MIOS: variants seen among roughly 807,000 people sequenced by gnomAD.
The protein encoded by MIOS is meiosis regulator for oocyte development.
A neutral mutation model predicts 96.9 loss-of-function variants in MIOS; 52 were observed. That is an observed-to-expected ratio of 0.54 (90% confidence interval 0.43 to 0.68). The LOEUF is 0.68. Ranked by LOEUF, MIOS falls within the 30% of genes least tolerant of loss-of-function variation. The pLI, the probability that MIOS is intolerant of heterozygous loss-of-function variation, is 0.00. For synonymous variants in MIOS, 397 were observed against 359.5 expected, an observed-to-expected ratio of 1.10 and a Z score of -1.18; for missense variants, 1,005 against 1,052.8, an observed-to-expected ratio of 0.95 and a Z score of 0.63.
Position 7,572,547 on chromosome 7 carries a change from AC to A in MIOS, c.73del (p.Leu25Ter). The A allele has an allele frequency of 6.2e-7, 1 of 1,614,154 alleles. No individual in the cohort carries two copies. The highest frequency in any genetic ancestry group is 8.5e-7 in the Non-Finnish European group (1 of 1,180,000). On this transcript the variant is annotated frameshift_variant, in exon 4 of 13. Coordinates refer to ENST00000340080, the MANE Select transcript of MIOS (RefSeq NM_019005.4). LOFTEE classifies it high-confidence loss of function. The surrounding 1 kb of genome is among the most constrained non-coding windows in gnomAD (Gnocchi z 4.8). ...ATAGATTTGTTGTGTGTGACTCAGAACTAAGTCTTTATCATGTGGAATCTAC... is the reference window on the plus strand; with the variant it reads ...ATAGATTTGTTGTGTGTGACTCAGAATAAGTCTTTATCATGTGGAATCTAC... Reference protein sequence around the residue: ...VDRFVVCDSELSLYHVESTVN... With the variant: ...VDRFVVCDSEXSLYHVESTVN...
chr7:7,580,893 G>C (rs1194003104), intron 5 of MIOS, among the ~76,000 whole-genome samples: 2 of 150,242 alleles, frequency 1.3e-5, no homozygotes, highest in Admixed American at 6.6e-5. Context: ...TGCCATGTTG[G>C]CTGGGCTGTT....
At chr7:7,580,694 C>CTT (rs377207804) in intron 5 of MIOS, among the ~76,000 whole-genome samples, 24,851 of 129,956 alleles carry the variant, frequency 0.19, 3,677 homozygotes, top group African/African-American at 0.4. Flanking sequence ...ACTATTTTAC[C>CTT]TTTTTTTTTT....
At position 7,585,934 on chromosome 7, in the gene MIOS, G is replaced by T. The variant is rs117908574; in HGVS notation, c.1818+129G>T. On this transcript the variant is annotated intron_variant, in intron 7 of 12. Coordinates refer to ENST00000340080, the MANE Select transcript of MIOS (RefSeq NM_019005.4). ...TTATGCATATGTTATTTAAAATAAG[G>T]CATCTTGGGCTTTTTTTTTGAGCAG... The T allele has an allele frequency of 4.9e-6, 4 of 808,600 alleles. No individual in the cohort carries two copies. The South Asian group carries it at 8.0e-5, about 16-fold the overall frequency. The allele number at this position is 808,600 out of a possible 1,614,324, so 50.1% of individuals were successfully genotyped here.
In MIOS at chr7:7,607,244, G is replaced by A. The variant is rs891129480; in HGVS notation, c.*152G>A. 5.0e-5 allele frequency: 29 copies of A among 574,302 alleles called. No individual in the cohort carries two copies. The East Asian group carries it at 8.5e-4, about 17-fold the overall frequency. The allele number at this position is 574,302 out of a possible 1,614,324, so 35.6% of individuals were successfully genotyped here. A position where few individuals can be genotyped will look rare whatever the true frequency, so the allele number is the denominator to read the frequency against. ...TCAGATCAGCAGTTTTGATGTTTGAGTGATTTTGATATGCTTCACAGAGAC... is the reference window on the plus strand; with the variant it reads ...TCAGATCAGCAGTTTTGATGTTTGAATGATTTTGATATGCTTCACAGAGAC... On this transcript the variant is annotated 3_prime_UTR_variant, in exon 13 of 13. Transcript: ENST00000340080.
intron 9 of MIOS, among the ~76,000 whole-genome samples, chr7:7,591,114 A>G (rs191766303): frequency 3.3e-3 from 508 of 152,202 alleles, no homozygotes; most frequent in Non-Finnish European, 5.6e-3. Flanking sequence ...ATCCTATAGC[A>G]TTCCTTGTAA....
At chr7:7,586,280 G>A (rs1783885335) in intron 7 of MIOS, among the ~76,000 whole-genome samples, 1 of 152,202 alleles carries the variant, frequency 6.6e-6, no homozygotes, top group South Asian at 2.1e-4. Context: ...TGTGGTTCCT[G>A]TTAGGAATGA....
chr7:7,581,036 A>G (rs1783705973), intron 5 of MIOS, among the ~76,000 whole-genome samples: 1 of 149,694 alleles, frequency 6.7e-6, no homozygotes. Flanking sequence ...AAAGAGTAAA[A>G]ATAGGCCGGG....
At chr7:7,585,938 C>T in intron 7 of MIOS, 133 bp downstream of exon 7, 2 of 787,608 alleles carry the variant, frequency 2.5e-6, no homozygotes, top group Non-Finnish European at 3.7e-6. Flanking sequence ...AATAAGGCAT[C>T]TTGGGCTTTT....
intron 5 of MIOS, 26 bp downstream of exon 5, chr7:7,574,222 C>G: frequency 6.6e-7 from 1 of 1,508,874 alleles, no homozygotes. Context: ...TTCATTTTCT[C>G]CAATATGTTT....
chr7:7,580,248 G>A (rs1294378132), intron 5 of MIOS, among the ~76,000 whole-genome samples: 5 of 152,154 alleles, frequency 3.3e-5, no homozygotes, highest in Middle Eastern at 3.4e-3. Context: ...ATCATTAATC[G>A]TTAAAAGTTT....
At position 7,583,303 on chromosome 7, in the gene MIOS, G is replaced by A; in HGVS notation, c.1579G>A (p.Val527Met). Residue 527 changes from valine to methionine, a missense_variant, in exon 6 of 13, where the codon GTG (valine) becomes ATG (methionine). Around this residue, in one of 3 missense-constraint regions of MIOS, gnomAD observed 865 missense variants for 887.9 expected, o/e 0.97. Coordinates refer to ENST00000340080, the MANE Select transcript of MIOS (RefSeq NM_019005.4). Reference sequence around the variant, plus strand: ...AGGGGAATGGGAAAGAGCTGCTGCTGTGGCATTGTTCAACTTGGATATTCG... The same window carrying A: ...AGGGGAATGGGAAAGAGCTGCTGCTATGGCATTGTTCAACTTGGATATTCG... ...QEGEWERAAA[V>M]ALFNLDIRRA... The A allele has an allele frequency of 6.2e-7, 1 of 1,614,024 alleles. No homozygotes were observed. Among genetic ancestry groups the A allele is most frequent in the South Asian group, 1.1e-5 (1 of 91,066 alleles).
At chr7:7,585,980 C>T (rs1263910078) in intron 7 of MIOS, among the ~76,000 whole-genome samples, 175 bp downstream of exon 7, 7 of 151,678 alleles carry the variant, frequency 4.6e-5, no homozygotes, top group Admixed American at 2.0e-4. Context: ...GTGTGATTCC[C>T]GTCCTAGAGT....
chr7:7,598,224 A>G (rs1446904586), intron 11 of MIOS, among the ~76,000 whole-genome samples: 1 of 152,214 alleles, frequency 6.6e-6, no homozygotes, highest in African/African-American at 2.4e-5. Context: ...ACTCTGTGAC[A>G]TGCAGTCTGT....
chr7:7,587,352 A>T (rs1042298645), intron 7 of MIOS, among the ~76,000 whole-genome samples: 1 of 152,136 alleles, frequency 6.6e-6, no homozygotes, highest in Non-Finnish European at 1.5e-5. Flanking sequence ...CATAAATTTG[A>T]GTTATTAGAT....
intron 3 of MIOS, among the ~76,000 whole-genome samples, chr7:7,569,433 C>A (rs776859275): frequency 2.1e-4 from 32 of 152,262 alleles, no homozygotes; most frequent in African/African-American, 7.7e-4. Context: ...AGTATAATAG[C>A]AGACATTTAA....
rs750983345 is a variant in MIOS, at chr7:7,596,243, C to G, written c.2197-14C>G. 3.7e-6 allele frequency: 6 copies of G among 1,608,554 alleles called. No homozygotes were observed. The highest frequency in any genetic ancestry group is 3.3e-5 in the South Asian group (3 of 90,380). Reference sequence around the variant, plus strand: ...TTTGCATTACATTTATTTTTTCTTTCATTTGTTTTGTAGGTTTTTGTGAGT... The same window carrying G: ...TTTGCATTACATTTATTTTTTCTTTGATTTGTTTTGTAGGTTTTTGTGAGT... On this transcript the variant is annotated splice_polypyrimidine_tract_variant and intron_variant, in intron 10 of 12. Transcript: ENST00000340080.
At chr7:7,583,781 T>C (rs942129566) in intron 6 of MIOS, among the ~76,000 whole-genome samples, 2 of 152,226 alleles carry the variant, frequency 1.3e-5, no homozygotes, top group Non-Finnish European at 2.9e-5. Context: ...GGTTATTGTT[T>C]GACCTTTAAG....
chr7:7,583,824 A>G (rs1783803469), intron 6 of MIOS, among the ~76,000 whole-genome samples: 1 of 152,200 alleles, frequency 6.6e-6, no homozygotes, highest in African/African-American at 2.4e-5. Context: ...TTAGGCTAAT[A>G]CAAATTGTTA....
rs2115351923 is a variant in MIOS, at chr7:7,573,411, A to G, written c.936A>G (p.Thr312=). The change falls in exon 4 of 13, where the codon ACA becomes ACG. Residue 312 remains threonine, a synonymous_variant. Transcript: ENST00000340080. This position sits in a 1 kb window ranked among gnomAD's most constrained non-coding sequence, Gnocchi z 5.0. ...PTPIGDETEP[T]IIERSVQPCD... ...CCATTGGGGATGAAACTGAACCCACAATAATTGAAAGAAGTGTGCAACCTT... is the reference window on the plus strand; with the variant it reads ...CCATTGGGGATGAAACTGAACCCACGATAATTGAAAGAAGTGTGCAACCTT... 1 of 1,614,126 alleles carries G rather than the reference A, an allele frequency of 6.2e-7. No individual in the cohort carries two copies. Among genetic ancestry groups the G allele is most frequent in the South Asian group, 1.1e-5 (1 of 91,082 alleles).
Sources: allele counts gnomAD v4.1 joint callset (sites outside exome capture counted in the v4.1 genomes callset), GRCh38; gene constraint gnomAD v4.1.1; regional missense constraint gnomAD v4.1.1; non-coding constraint Gnocchi (gnomAD v3.1); transcripts MANE v1.5; gene names NCBI Gene and HGNC (gene_info 2026-07-23, HGNC 2026-07-21).